EPM2A: variants seen among roughly 807,000 people sequenced by gnomAD.
EPM2A encodes EPM2A glucan phosphatase, laforin.
Under a neutral mutation model 26.5 loss-of-function variants are expected in EPM2A, and 21 were observed. The ratio of observed to expected loss-of-function variants is 0.79; its 90% CI spans 0.56 to 1.14. The LOEUF is 1.14. Ranked by LOEUF, EPM2A falls within the 50% of genes most tolerant of loss-of-function variation. The pLI, the probability that EPM2A is intolerant of heterozygous loss-of-function variation, is 0.00. For missense variants in EPM2A, 458 were observed against 440.8 expected, an observed-to-expected ratio of 1.04 and a Z score of -0.35; for synonymous variants, 217 against 177.6, an observed-to-expected ratio of 1.22 and a Z score of -1.76.
chr6:145,734,957 G>T, intron 1 of EPM2A: 2 of 289,428 alleles, frequency 6.9e-6, no homozygotes, highest in Non-Finnish European at 1.3e-5. Context: ...CGGGAAGGCG[G>T]CCGGGAGCGC....
At chr6:145,728,704 C>G (rs1369971330) in intron 1 of EPM2A, among the ~76,000 whole-genome samples, 7 of 152,152 alleles carry the variant, frequency 4.6e-5, no homozygotes, top group Non-Finnish European at 1.0e-4. Flanking sequence ...AGCATAAAAG[C>G]TTGGAAAATT....
chr6:145,490,712 C>G, intron 4 of EPM2A: 1 of 571,552 alleles, frequency 1.7e-6, no homozygotes, highest in Non-Finnish European at 3.4e-6. Context: ...TTAAATGAAC[C>G]ATTACATTTC....
At chr6:145,557,732 T>C (rs1780748058) in intron 2 of EPM2A, among the ~76,000 whole-genome samples, 1 of 152,254 alleles carries the variant, frequency 6.6e-6, no homozygotes, top group South Asian at 2.1e-4. Flanking sequence ...ACTTATTTTA[T>C]TGTGAGAACA....
intron 2 of EPM2A, among the ~76,000 whole-genome samples, chr6:145,523,008 G>C (rs1423401601): frequency 1.3e-5 from 2 of 152,074 alleles, no homozygotes; most frequent in Non-Finnish European, 2.9e-5. Context: ...GTTGTTTGTA[G>C]GTTTAAGATA....
chr6:145,399,307 C>T (rs1305889800), intron 4 of EPM2A, among the ~76,000 whole-genome samples: 1 of 152,172 alleles, frequency 6.6e-6, no homozygotes, highest in Non-Finnish European at 1.5e-5. Context: ...AAGAGCTGAT[C>T]CACTCATACT....
intron 2 of EPM2A, among the ~76,000 whole-genome samples, chr6:145,577,347 A>G (rs1228078274): frequency 1.3e-5 from 2 of 150,622 alleles, no homozygotes; most frequent in Admixed American, 1.3e-4. Context: ...TGGAAAAAAA[A>G]AACTTTTCCA....
chr6:145,472,785 C>T (rs1461599280), intron 4 of EPM2A, among the ~76,000 whole-genome samples: 1 of 152,092 alleles, frequency 6.6e-6, no homozygotes, highest in South Asian at 2.1e-4. Context: ...TAATCTTGTC[C>T]AAGACAACAA....
chr6:145,451,450 T>C (rs1039613377), intron 4 of EPM2A, among the ~76,000 whole-genome samples: 1 of 152,256 alleles, frequency 6.6e-6, no homozygotes, highest in African/African-American at 2.4e-5. Context: ...TGAGTTTTGA[T>C]GTAGCATCAA....
chr6:145,586,248 C>T (rs73566754), intron 2 of EPM2A, among the ~76,000 whole-genome samples: 10,213 of 152,218 alleles, frequency 0.067, 1,151 homozygotes, highest in African/African-American at 0.23. Context: ...ATCACTTTTC[C>T]ATATATTTTG....
At chr6:145,686,573 C>T (rs1164328846) in intron 1 of EPM2A, among the ~76,000 whole-genome samples, 1 of 152,036 alleles carries the variant, frequency 6.6e-6, no homozygotes, top group Non-Finnish European at 1.5e-5. Flanking sequence ...CCTCTCAGTG[C>T]TCTAAGAGGC....
chr6:145,543,915 G>A (rs918278592), intron 2 of EPM2A, among the ~76,000 whole-genome samples: 3 of 152,202 alleles, frequency 2.0e-5, no homozygotes, highest in Non-Finnish European at 2.9e-5. Flanking sequence ...AACGTGGGGA[G>A]CCAAAATGGG....
At chr6:145,529,596 C>A (rs1462555725) in intron 2 of EPM2A, among the ~76,000 whole-genome samples, 1 of 152,110 alleles carries the variant, frequency 6.6e-6, no homozygotes, top group Non-Finnish European at 1.5e-5. Context: ...TATAGTGTAA[C>A]CCTAACATTT....
chr6:145,496,721 T>A (rs1193796543), downstream of EPM2A, among the ~76,000 whole-genome samples: 2 of 135,048 alleles, frequency 1.5e-5, no homozygotes, highest in African/African-American at 2.7e-5. Context: ...TACTGTCAGT[T>A]CCTGCAATTT....
intron 4 of EPM2A, among the ~76,000 whole-genome samples, chr6:145,486,867 C>T (rs570757553): frequency 2.1e-4 from 32 of 152,104 alleles, no homozygotes; most frequent in Non-Finnish European, 3.4e-4. Flanking sequence ...TTCAGGGGTA[C>T]GTGTACAGGA....
chr6:145,429,253 T>C (rs1163927169), intron 4 of EPM2A, among the ~76,000 whole-genome samples: 1 of 152,188 alleles, frequency 6.6e-6, no homozygotes, highest in Non-Finnish European at 1.5e-5. Context: ...AAGTAATGTT[T>C]TCATATTATA....
chr6:145,648,411 T>C (rs1582963213), intron 2 of EPM2A, among the ~76,000 whole-genome samples: 1 of 152,234 alleles, frequency 6.6e-6, no homozygotes, highest in East Asian at 1.9e-4. Context: ...ATACAATTCA[T>C]CTGCAATAAA....
intron 2 of EPM2A, among the ~76,000 whole-genome samples, chr6:145,505,182 A>C (rs1779953590): frequency 6.6e-6 from 1 of 150,476 alleles, no homozygotes; most frequent in East Asian, 2.0e-4. Context: ...CCAGCATGGC[A>C]CATGTATACA....
At chr6:145,494,584 T>A (rs575547453) in intron 4 of EPM2A, among the ~76,000 whole-genome samples, 1 of 152,284 alleles carries the variant, frequency 6.6e-6, no homozygotes, top group South Asian at 2.1e-4. Flanking sequence ...GTTAGGTTGT[T>A]AACTTGAGAT....
intron 2 of EPM2A, among the ~76,000 whole-genome samples, chr6:145,577,436 G>T (rs1781047679): frequency 6.6e-6 from 1 of 150,830 alleles, no homozygotes; most frequent in Non-Finnish European, 1.5e-5. Flanking sequence ...CAAAAACTAT[G>T]AAAAGAGACA....
Sources: gnomAD v4.1 joint callset for allele counts (sites outside exome capture counted in the v4.1 genomes callset) on GRCh38, gnomAD v4.1.1 for gene constraint, MANE v1.5 for transcripts, NCBI Gene and HGNC (gene_info 2026-07-23, HGNC 2026-07-21) for gene names.